GPC5: variants seen among roughly 807,000 people sequenced by gnomAD.
The protein encoded by GPC5 is glypican-5.
GPC5 carries 47 observed loss-of-function variants against 53.9 expected under a neutral mutation model. That is an observed-to-expected ratio of 0.87 (90% CI 0.69 to 1.11). GPC5 has a LOEUF of 1.11. Ranked by LOEUF, GPC5 falls within the 50% of genes most tolerant of loss-of-function variation. The pLI is 0.00. For synonymous variants in GPC5, 286 were observed against 263.3 expected (o/e 1.09, Z -0.84); for missense variants, 748 against 713.1 (o/e 1.05, Z -0.56).
At chr13:92,714,850 G>A (rs1187979919) in intron 7 of GPC5, among the ~76,000 whole-genome samples, 1 of 152,110 alleles carries the variant, frequency 6.6e-6, no homozygotes, top group Non-Finnish European at 1.5e-5. Context: ...AGTGGATCAC[G>A]AGTTCAGGAG....
chr13:91,412,301 T>C (rs1566372821), intron 1 of GPC5, among the ~76,000 whole-genome samples: 1 of 152,252 alleles, frequency 6.6e-6, no homozygotes, highest in Non-Finnish European at 1.5e-5. Flanking sequence ...TGCTAGTCCA[T>C]TTGCCAATAG....
At chr13:91,465,749 CT>C (rs547126371) in intron 2 of GPC5, among the ~76,000 whole-genome samples, 170 of 152,142 alleles carry the variant, frequency 1.1e-3, no homozygotes, top group African/African-American at 3.9e-3. Context: ...TTATCTTTAA[CT>C]TTTTTTCCTC....
intron 7 of GPC5, among the ~76,000 whole-genome samples, chr13:92,366,656 G>A (rs1444241046): frequency 2.0e-5 from 3 of 152,232 alleles, no homozygotes; most frequent in Admixed American, 6.5e-5. Flanking sequence ...AAGGCCACGA[G>A]CATTTACAGC....
At chr13:91,462,962 A>G (rs565439582) in intron 2 of GPC5, among the ~76,000 whole-genome samples, 1 of 152,256 alleles carries the variant, frequency 6.6e-6, no homozygotes, top group Non-Finnish European at 1.5e-5. Context: ...ATTAAAGAAT[A>G]TATTTAATGA....
chr13:92,665,739 G>A (rs539303370), intron 7 of GPC5, among the ~76,000 whole-genome samples: 7 of 152,238 alleles, frequency 4.6e-5, no homozygotes, highest in South Asian at 4.1e-4. Context: ...TTGAATTGGA[G>A]GCAAATAAAC....
intron 1 of GPC5, among the ~76,000 whole-genome samples, chr13:91,443,981 T>C (rs1223568521): frequency 6.6e-6 from 1 of 152,224 alleles, no homozygotes; most frequent in Non-Finnish European, 1.5e-5. Context: ...CTCACAACAA[T>C]TTCAGATGAC....
chr13:91,442,174 A>G (rs1447187568), intron 1 of GPC5, among the ~76,000 whole-genome samples: 1 of 152,224 alleles, frequency 6.6e-6, no homozygotes, highest in East Asian at 1.9e-4. Flanking sequence ...CCTTGTAACT[A>G]CCACCCAGGT....
In GPC5 at chr13:91,579,350, C is replaced by T. The variant is rs537785108; in HGVS notation, c.326-113837C>T. On this transcript the variant is annotated intron_variant, in intron 2 of 7. Coordinates refer to ENST00000377067, the MANE Select transcript of GPC5 (RefSeq NM_004466.6). Reference sequence around the variant, plus strand: ...TCTTATTGTTCCTTATGTCCTTATTCTTTCGGACCATAACTTTACCCATGT... The same window carrying T: ...TCTTATTGTTCCTTATGTCCTTATTTTTTCGGACCATAACTTTACCCATGT... Among the ~76,000 whole-genome samples the T allele has an allele frequency of 2.6e-5, 4 of 152,250 alleles. No homozygotes were observed. In the South Asian group the frequency reaches 8.3e-4, roughly 32 times the overall value.
chr13:92,432,137 G>A (rs1877114957), intron 7 of GPC5, among the ~76,000 whole-genome samples: 1 of 152,126 alleles, frequency 6.6e-6, no homozygotes, highest in Admixed American at 6.6e-5. Context: ...AGAGAGCTTG[G>A]CTTACTCTCC....
At chr13:92,753,099 T>C (rs565443230) in intron 7 of GPC5, among the ~76,000 whole-genome samples, 3 of 152,258 alleles carry the variant, frequency 2.0e-5, no homozygotes, top group African/African-American at 7.2e-5. Flanking sequence ...TCTGACAGCT[T>C]TGAAGAGAGC....
intron 7 of GPC5, among the ~76,000 whole-genome samples, chr13:92,471,092 G>A (rs999904831): frequency 1.3e-5 from 2 of 152,080 alleles, no homozygotes; most frequent in African/African-American, 2.4e-5. Flanking sequence ...CCTTATCGGG[G>A]CTAGAAAAAT....
intron 7 of GPC5, among the ~76,000 whole-genome samples, chr13:92,426,434 A>G (rs1200275548): frequency 6.6e-6 from 1 of 152,106 alleles, no homozygotes; most frequent in African/African-American, 2.4e-5. Flanking sequence ...AGCTTTCCAT[A>G]TTTTAAAAAA....
At chr13:91,718,213 C>G (rs1254872537) in intron 3 of GPC5, among the ~76,000 whole-genome samples, 1 of 152,042 alleles carries the variant, frequency 6.6e-6, no homozygotes, top group Admixed American at 6.6e-5. Context: ...CCGGTTCATG[C>G]CATTCTCCCG....
At chr13:92,689,883 TG>T (rs1887338533) in intron 7 of GPC5, among the ~76,000 whole-genome samples, 1 of 9,346 alleles carries the variant, frequency 1.1e-4, no homozygotes, top group Non-Finnish European at 1.6e-4. Context: ...TTAAGAATGT[TG>T]AATATTGGCC....
chr13:92,263,987 T>G (rs1272588556), intron 7 of GPC5, among the ~76,000 whole-genome samples: 1 of 152,194 alleles, frequency 6.6e-6, no homozygotes, highest in Non-Finnish European at 1.5e-5. Context: ...TTTGGAGTGA[T>G]GGATTTGTTA....
At chr13:92,033,024 G>A (rs2040865088) in intron 6 of GPC5, among the ~76,000 whole-genome samples, 1 of 138,992 alleles carries the variant, frequency 7.2e-6, no homozygotes, top group Admixed American at 7.7e-5. Flanking sequence ...TTCTGCCCGG[G>A]CTAGTTATTG....
chr13:91,675,399 A>G (rs1373805339), intron 2 of GPC5, among the ~76,000 whole-genome samples: 1 of 152,206 alleles, frequency 6.6e-6, no homozygotes, highest in Non-Finnish European at 1.5e-5. Flanking sequence ...TTGCTTGAAA[A>G]ATAATTTCCA....
chr13:91,500,187 G>T (rs1341944326), intron 2 of GPC5, among the ~76,000 whole-genome samples: 1 of 152,110 alleles, frequency 6.6e-6, no homozygotes, highest in African/African-American at 2.4e-5. Flanking sequence ...TCTGTCTCTT[G>T]CCATTAGAAT....
intron 7 of GPC5, among the ~76,000 whole-genome samples, chr13:92,704,633 G>A (rs17233808): frequency 0.071 from 10,847 of 151,708 alleles, 803 homozygotes; most frequent in East Asian, 0.32. Context: ...TGACCTATTG[G>A]TTATTGTCCT....
Sources: gnomAD v4.1 joint callset for allele counts (sites outside exome capture counted in the v4.1 genomes callset) on GRCh38, gnomAD v4.1.1 for gene constraint, MANE v1.5 for transcripts, NCBI Gene and HGNC (gene_info 2026-07-23, HGNC 2026-07-21) for gene names.